The following DHRSX variants were observed in gnomAD, a reference collection of about 807,000 sequenced individuals.
The protein encoded by DHRSX is dehydrogenase/reductase X-linked.
DHRSX carries 31 observed loss-of-function variants against 34.0 expected under a neutral mutation model. That is an observed-to-expected ratio of 0.91 (90% CI 0.69 to 1.23). DHRSX has a LOEUF of 1.23. Among genes scored for constraint, DHRSX ranks in the 50% most tolerant of loss-of-function variants. DHRSX has a pLI of 0.00. For missense variants in DHRSX, 414 were observed against 428.1 expected (o/e 0.97, Z 0.29); for synonymous variants, 201 against 183.8 (o/e 1.09, Z -0.76).
At chrX:2,227,070 G>A (rs1005173295) in intron 6 of DHRSX, among the ~76,000 whole-genome samples, 3 of 151,982 alleles carry the variant, frequency 2.0e-5, no homozygotes, top group Non-Finnish European at 4.4e-5. Context: ...TGTCTTTCCG[G>A]AAGGTGCAGC....
chrX:2,441,642 C>A (rs2044063736), intron 1 of DHRSX, among the ~76,000 whole-genome samples: 1 of 152,110 alleles, frequency 6.6e-6, no homozygotes, highest in Admixed American at 6.6e-5. Context: ...GGAGGAGGGA[C>A]TCTTTTTACC....
chrX:2,332,834 C>G (rs1039861098), intron 3 of DHRSX, among the ~76,000 whole-genome samples: 2 of 152,186 alleles, frequency 1.3e-5, no homozygotes, highest in African/African-American at 4.8e-5. Flanking sequence ...TGTGATCGAT[C>G]AAAAACTCAG....
At chrX:2,446,016 C>G (rs762633473) in intron 1 of DHRSX, among the ~76,000 whole-genome samples, 2 of 151,798 alleles carry the variant, frequency 1.3e-5, no homozygotes, top group African/African-American at 4.8e-5. Context: ...GGGACCGCTG[C>G]TGTGTATTCA....
At chrX:2,239,398 G>A (rs2016087754) in intron 6 of DHRSX, among the ~76,000 whole-genome samples, 1 of 118,140 alleles carries the variant, frequency 8.5e-6, no homozygotes, top group Non-Finnish European at 1.9e-5. Flanking sequence ...GCAAGATGCC[G>A]TTTCTACAAA....
intron 1 of DHRSX, chrX:2,490,684 G>C: frequency 6.2e-7 from 1 of 1,613,898 alleles, no homozygotes; most frequent in Non-Finnish European, 8.5e-7. Context: ...CCAGCTTCAG[G>C]TCTGTCTGGG....
chrX:2,338,498 G>A (rs1246571578), intron 3 of DHRSX, among the ~76,000 whole-genome samples: 1 of 151,942 alleles, frequency 6.6e-6, no homozygotes, highest in Non-Finnish European at 1.5e-5. Flanking sequence ...GAGGTCGAAT[G>A]GGAGGGGTTT....
At chrX:2,482,798 A>C (rs2124057760) in intron 1 of DHRSX, among the ~76,000 whole-genome samples, 1 of 152,234 alleles carries the variant, frequency 6.6e-6, no homozygotes, top group South Asian at 2.1e-4. Flanking sequence ...GAGTCCGGTG[A>C]CCTCGAACAC....
chrX:2,480,553 T>C (rs1355067622), intron 1 of DHRSX, among the ~76,000 whole-genome samples: 1 of 149,974 alleles, frequency 6.7e-6, no homozygotes, highest in African/African-American at 2.5e-5. Flanking sequence ...TATGGTAGCA[T>C]GCACCTGCAG....
intron 3 of DHRSX, among the ~76,000 whole-genome samples, chrX:2,343,584 C>T (rs1474432312): frequency 6.6e-6 from 1 of 152,124 alleles, no homozygotes; most frequent in Non-Finnish European, 1.5e-5. Flanking sequence ...GCTACCTTAA[C>T]AGATGCCATC....
At chrX:2,296,953 C>T (rs1405285308) in intron 3 of DHRSX, among the ~76,000 whole-genome samples, 1 of 98,006 alleles carries the variant, frequency 1.0e-5, no homozygotes, top group African/African-American at 5.4e-5. Flanking sequence ...AGGAATAGGA[C>T]CCAGGCAGAT....
intron 1 of DHRSX, among the ~76,000 whole-genome samples, chrX:2,479,597 G>T (rs1222719145): frequency 7.1e-6 from 1 of 140,232 alleles, no homozygotes; most frequent in African/African-American, 2.7e-5. Context: ...CACTTAAGAC[G>T]TTCCCTAAGC....
chrX:2,411,917 T>C (rs5982722), intron 2 of DHRSX, among the ~76,000 whole-genome samples: 2,963 of 152,256 alleles, frequency 0.019, 94 homozygotes, highest in African/African-American at 0.061. Flanking sequence ...CCATTTTCCA[T>C]GGTGGCACCG....
At chrX:2,361,236 G>C (rs1418492518) in intron 3 of DHRSX, among the ~76,000 whole-genome samples, 1 of 151,846 alleles carries the variant, frequency 6.6e-6, no homozygotes, top group Non-Finnish European at 1.5e-5. Flanking sequence ...TCAGCCTCCT[G>C]AGTAGCTGGG....
chrX:2,390,529 G>A (rs1404906920), intron 3 of DHRSX, among the ~76,000 whole-genome samples: 2 of 152,044 alleles, frequency 1.3e-5, no homozygotes, highest in Admixed American at 1.3e-4. Flanking sequence ...CAGTAAAGTG[G>A]TATTAAATAC....
chrX:2,314,677 T>C (rs1049156584), intron 3 of DHRSX, among the ~76,000 whole-genome samples: 2 of 152,024 alleles, frequency 1.3e-5, no homozygotes, highest in Admixed American at 6.6e-5. Context: ...AGTTACGATA[T>C]ATAGGGTTAA....
At chrX:2,464,145 G>A (rs184151585) in intron 1 of DHRSX, among the ~76,000 whole-genome samples, 21 of 151,506 alleles carry the variant, frequency 1.4e-4, no homozygotes, top group African/African-American at 5.1e-4. Context: ...CACTGAAGAC[G>A]CTCCCTAAGA....
chrX:2,404,812 G>T lies in DHRSX; in HGVS notation c.286+3933C>A, dbSNP rs142733380. The stretch of plus-strand genomic sequence containing the variant: ...TCGGTCCTTTAAATGTTAATCCGAC[G>T]GGGTCGGTACAAATAAATAATTAAA... On this transcript the variant is annotated intron_variant, in intron 3 of 6. Coordinates refer to ENST00000334651, the MANE Select transcript of DHRSX (RefSeq NM_145177.3). 7.2e-5 allele frequency among the ~76,000 whole-genome samples: 11 copies of T among 152,046 alleles called. No individual in the cohort carries two copies. The South Asian group carries it at 2.3e-3, about 32-fold the overall frequency.
chrX:2,236,885 A>AT lies in DHRSX; in HGVS notation c.804+6137_804+6138insA, dbSNP rs1330172574. 2.4e-4 allele frequency among the ~76,000 whole-genome samples: 36 copies of AT among 148,608 alleles called. 1 individual carries two copies. Among genetic ancestry groups the AT allele is most frequent in the Admixed American group, 2.3e-3 (34 of 14,888 alleles). ...GGGTGGTTAGATTTGTTTATTAATA[A>AT]AAAAAAAAAAAGAAATGGGGGGGCT... On this transcript the variant is annotated intron_variant, in intron 6 of 6. Coordinates refer to ENST00000334651, the MANE Select transcript of DHRSX (RefSeq NM_145177.3).
At chrX:2,500,290 G>T in intron 1 of DHRSX, 1 of 182,508 alleles carries the variant, frequency 5.5e-6, no homozygotes, top group Admixed American at 5.0e-5. Context: ...GTCCTCCGGA[G>T]AAGGGCCCAT....
Sources: gnomAD v4.1 joint callset for allele counts (sites outside exome capture counted in the v4.1 genomes callset) on GRCh38, gnomAD v4.1.1 for gene constraint, MANE v1.5 for transcripts, NCBI Gene and HGNC (gene_info 2026-07-23, HGNC 2026-07-21) for gene names.